The following NALF1 variants were observed in gnomAD, a reference collection of about 807,000 sequenced individuals.
NALF1 encodes the protein NALCN channel auxiliary factor 1.
In NALF1, 3 loss-of-function variants were observed where a neutral mutation model predicts 48.4. The observed-to-expected ratio is 0.06, with a 90% CI of 0.03 to 0.16. The LOEUF (loss-of-function observed/expected upper bound fraction) is 0.16. Among genes scored for constraint, NALF1 ranks in the 10% least tolerant of loss-of-function variants. The pLI is 1.00. For synonymous variants in NALF1, 262 were observed against 245.7 expected (o/e 1.07, Z -0.62); for missense variants, 526 against 571.5 (o/e 0.92, Z 0.81).
chr13:107,541,396 G>C (rs1263347190), intron 1 of NALF1, among the ~76,000 whole-genome samples: 1 of 152,016 alleles, frequency 6.6e-6, no homozygotes, highest in Non-Finnish European at 1.5e-5. Flanking sequence ...ATAAAAAGAA[G>C]GGCATTTAAT....
intron 1 of NALF1, among the ~76,000 whole-genome samples, chr13:107,291,985 A>G (rs1566476376): frequency 6.6e-6 from 1 of 152,208 alleles, no homozygotes; most frequent in Non-Finnish European, 1.5e-5. Context: ...TCCTATTGAT[A>G]CACAGTCATG....
chr13:107,737,781 G>A (rs1284159463), intron 1 of NALF1, among the ~76,000 whole-genome samples: 1 of 152,182 alleles, frequency 6.6e-6, no homozygotes, highest in Non-Finnish European at 1.5e-5. Context: ...ATGACCCATT[G>A]TATTGCAGAG....
rs910581623 is a variant in NALF1, at chr13:107,168,544, T to C, written c.*1953A>G. 6.8e-6 allele frequency: 1 copy of C among 148,120 alleles called. No homozygotes were observed. Among genetic ancestry groups the C allele is most frequent in the Non-Finnish European group, 1.5e-5 (1 of 67,014 alleles). The allele number at this position is 148,120 out of a possible 1,614,324, so 9.2% of individuals were successfully genotyped here. A position where few individuals can be genotyped will look rare whatever the true frequency, so the allele number is the denominator to read the frequency against. On this transcript the variant is annotated 3_prime_UTR_variant, in exon 3 of 3. Transcript: ENST00000375915. ...ACGGGAGAATTTTGCATTTTTGGTG[T>C]TTTCTTTTTTTTTGTATTTGCGCAG...
At chr13:107,360,910 C>T (rs190127394) in intron 1 of NALF1, among the ~76,000 whole-genome samples, 1 of 152,146 alleles carries the variant, frequency 6.6e-6, no homozygotes, top group East Asian at 1.9e-4. Flanking sequence ...CTAATAAAGC[C>T]TACTATTTTT....
intron 1 of NALF1, among the ~76,000 whole-genome samples, chr13:107,418,390 T>G (rs571075760): frequency 1.3e-5 from 2 of 152,076 alleles, no homozygotes; most frequent in Non-Finnish European, 2.9e-5. Flanking sequence ...TGTAAAACGA[T>G]TGTGCTTGTG....
At chr13:107,427,489 A>G (rs1009140162) in intron 1 of NALF1, among the ~76,000 whole-genome samples, 1 of 152,122 alleles carries the variant, frequency 6.6e-6, no homozygotes, top group Non-Finnish European at 1.5e-5. Context: ...ACTTCTTAAG[A>G]AACAGAATAT....
intron 1 of NALF1, among the ~76,000 whole-genome samples, chr13:107,344,352 CT>C (rs1882736211): frequency 6.6e-6 from 1 of 152,132 alleles, no homozygotes. Context: ...CATCATTACT[CT>C]GATACAAAAG....
intron 1 of NALF1, among the ~76,000 whole-genome samples, chr13:107,336,749 T>C (rs1364222725): frequency 6.6e-6 from 1 of 152,178 alleles, no homozygotes; most frequent in Non-Finnish European, 1.5e-5. Flanking sequence ...GAAAATAATC[T>C]ACAGTCTAAT....
intron 1 of NALF1, among the ~76,000 whole-genome samples, chr13:107,611,970 A>AAGAAG (rs375960831): frequency 2.8e-5 from 4 of 144,314 alleles, no homozygotes; most frequent in Admixed American, 7.0e-5. Context: ...ACGAAGAAGA[A>AAGAAG]AGAAGAGAAG....
At chr13:107,557,411 G>C (rs1877512060) in intron 1 of NALF1, among the ~76,000 whole-genome samples, 1 of 152,066 alleles carries the variant, frequency 6.6e-6, no homozygotes, top group Non-Finnish European at 1.5e-5. Flanking sequence ...TGGGGTGACG[G>C]TTTGCATACC....
At chr13:107,378,052 C>T (rs963953786) in intron 1 of NALF1, among the ~76,000 whole-genome samples, 3 of 152,140 alleles carry the variant, frequency 2.0e-5, no homozygotes, top group Non-Finnish European at 4.4e-5. Flanking sequence ...TTCTGCTTTT[C>T]CTTTGTGGCC....
At chr13:107,484,728 G>T (rs1885301985) in intron 1 of NALF1, among the ~76,000 whole-genome samples, 1 of 152,158 alleles carries the variant, frequency 6.6e-6, no homozygotes, top group Admixed American at 6.6e-5. Context: ...TCTGATATTT[G>T]TACAGAGTTC....
In NALF1 at chr13:107,362,517, C is replaced by G. The variant is rs1166352420; in HGVS notation, c.916-151762G>C. ...TATACCACTGTTGTCACTTGGCATT[C>G]TCCTGTGTGTCCTCGTCGCGGGGCA... On this transcript the variant is annotated intron_variant, in intron 1 of 2. Transcript: ENST00000375915. The surrounding 1 kb of genome is among the most constrained non-coding windows in gnomAD (Gnocchi z 4.6). 1.3e-5 allele frequency among the ~76,000 whole-genome samples: 2 copies of G among 152,122 alleles called. No homozygotes were observed. Among genetic ancestry groups the G allele is most frequent in the Non-Finnish European group, 2.9e-5 (2 of 68,032 alleles).
chr13:107,242,095 TTTTAAATTGG>T (rs2138835867), intron 1 of NALF1, among the ~76,000 whole-genome samples: 1 of 152,322 alleles, frequency 6.6e-6, no homozygotes, highest in South Asian at 2.1e-4. Flanking sequence ...GCCCTCTACT[TTTTAAATTGG>T]TTTAAATTGG....
intron 1 of NALF1, among the ~76,000 whole-genome samples, chr13:107,482,837 A>G (rs1885274404): frequency 1.3e-5 from 2 of 152,192 alleles, no homozygotes; most frequent in Admixed American, 6.5e-5. Flanking sequence ...GGCAACGTGC[A>G]CTATGAATAA....
intron 1 of NALF1, among the ~76,000 whole-genome samples, chr13:107,813,541 AATT>A (rs974050553): frequency 6.6e-6 from 1 of 152,082 alleles, no homozygotes; most frequent in African/African-American, 2.4e-5. Flanking sequence ...ATTTATTACA[AATT>A]ATTATTATAT....
intron 1 of NALF1, among the ~76,000 whole-genome samples, chr13:107,444,202 T>G (rs2139028889): frequency 6.6e-6 from 1 of 152,326 alleles, no homozygotes; most frequent in Admixed American, 6.5e-5. Flanking sequence ...AACTGGGCAC[T>G]TTTACCTAGT....
intron 1 of NALF1, among the ~76,000 whole-genome samples, chr13:107,561,680 ATTAATTT>A (rs1182040418): frequency 6.6e-6 from 1 of 152,134 alleles, no homozygotes; most frequent in African/African-American, 2.4e-5. Context: ...ATTCCTACCT[ATTAATTT>A]TTAAGATTAC....
intron 2 of NALF1, among the ~76,000 whole-genome samples, chr13:107,194,546 A>G (rs1249424427): frequency 1.3e-5 from 2 of 152,176 alleles, no homozygotes; most frequent in African/African-American, 4.8e-5. Context: ...CTGGAGCCCC[A>G]TCTCTCACCT....
Sources: gnomAD v4.1 joint callset for allele counts (sites outside exome capture counted in the v4.1 genomes callset) on GRCh38, gnomAD v4.1.1 for gene constraint, Gnocchi (gnomAD v3.1) non-coding constraint, MANE v1.5 for transcripts, NCBI Gene and HGNC (gene_info 2026-07-23, HGNC 2026-07-21) for gene names.